CACNB4: variants seen among roughly 807,000 people sequenced by gnomAD.
CACNB4 encodes voltage-dependent L-type calcium channel subunit beta-4.
CACNB4 carries 32 observed loss-of-function variants against 71.2 expected under a neutral mutation model. That is an observed-to-expected ratio of 0.45 (90% CI 0.34 to 0.60). The LOEUF is 0.60. Ranked by LOEUF, CACNB4 falls within the 20% of genes least tolerant of loss-of-function variation. CACNB4 has a pLI of 0.01. For synonymous variants in CACNB4, 231 were observed against 236.9 expected (o/e 0.97, Z 0.23); for missense variants, 464 against 647.9 (o/e 0.72, Z 3.08).
At chr2:151,863,088 C>T (rs1203866448) in intron 9 of CACNB4, among the ~76,000 whole-genome samples, 3 of 150,882 alleles carry the variant, frequency 2.0e-5, no homozygotes, top group African/African-American at 4.9e-5. Flanking sequence ...TTTTTTGAGT[C>T]GGAGTCTCGC....
At chr2:151,921,181 A>ATAAG (rs1460972513) in intron 2 of CACNB4, among the ~76,000 whole-genome samples, 1 of 51,450 alleles carries the variant, frequency 1.9e-5, no homozygotes, top group African/African-American at 4.2e-5. Context: ...AAATAAATAA[A>ATAAG]TAAGTTAAAA....
intron 2 of CACNB4, among the ~76,000 whole-genome samples, chr2:152,026,070 A>T (rs1683950289): frequency 6.6e-6 from 1 of 152,172 alleles, no homozygotes; most frequent in Non-Finnish European, 1.5e-5. Flanking sequence ...ACCACAAGTC[A>T]CTTGGCATGA....
At chr2:151,854,465 T>C (rs2099839774) in intron 11 of CACNB4, 1 of 152,224 alleles carries the variant, frequency 6.6e-6, no homozygotes, top group Admixed American at 6.5e-5. Flanking sequence ...AAGACTGCCA[T>C]GCTGGTTGGC....
At chr2:152,096,441 G>A (rs775701867) in intron 2 of CACNB4, among the ~76,000 whole-genome samples, 3 of 152,252 alleles carry the variant, frequency 2.0e-5, no homozygotes, top group Non-Finnish European at 2.9e-5. Flanking sequence ...CAGAGACTGC[G>A]TCACTGCACC....
At chr2:151,873,650 A>C (rs906759647) in intron 5 of CACNB4, 5 of 152,228 alleles carry the variant, frequency 3.3e-5, no homozygotes, top group Non-Finnish European at 5.9e-5. Flanking sequence ...TACCTAACAA[A>C]GATATAAAGC....
At chr2:151,985,622 T>C (rs1314887031) in intron 2 of CACNB4, among the ~76,000 whole-genome samples, 1 of 152,074 alleles carries the variant, frequency 6.6e-6, no homozygotes. Context: ...TCTAATTTTT[T>C]AATCTGTTAA....
intron 2 of CACNB4, among the ~76,000 whole-genome samples, chr2:152,041,070 A>G (rs185267979): frequency 4.3e-4 from 66 of 152,188 alleles, no homozygotes; most frequent in African/African-American, 1.5e-3. Flanking sequence ...CCCACACTCC[A>G]TGGGAGAAAC....
At position 151,833,245 on chromosome 2, in the gene CACNB4, TTAA is replaced by T. The variant is rs2099834189; in HGVS notation, c.*5871_*5873del. On this transcript the variant is annotated 3_prime_UTR_variant, in exon 14 of 14. Transcript: ENST00000539935. ...TATTTCTGTTTTAGTATGTTTTATGTTAATACATTTATTTTTTATTCCTTCCCA... is the reference window on the plus strand; with the variant it reads ...TATTTCTGTTTTAGTATGTTTTATGTTACATTTATTTTTTATTCCTTCCCA... The T allele has an allele frequency of 6.6e-6, 1 of 152,178 alleles. No individual in the cohort carries two copies. Among genetic ancestry groups the T allele is most frequent in the African/African-American group, 2.4e-5 (1 of 41,456 alleles). The allele number at this position is 152,178 out of a possible 1,614,324, so 9.4% of individuals were successfully genotyped here. A position where few individuals can be genotyped will look rare whatever the true frequency, so the allele number is the denominator to read the frequency against.
intron 2 of CACNB4, among the ~76,000 whole-genome samples, chr2:152,094,238 G>C (rs551871553): frequency 1.3e-5 from 2 of 152,294 alleles, no homozygotes; most frequent in East Asian, 3.9e-4. Flanking sequence ...CCAGATCTCA[G>C]GGAAGATTAA....
At chr2:151,974,454 G>A (rs1447464404) in intron 2 of CACNB4, among the ~76,000 whole-genome samples, 2 of 152,176 alleles carry the variant, frequency 1.3e-5, no homozygotes, top group Non-Finnish European at 2.9e-5. Flanking sequence ...CAATATTCTC[G>A]TTGAAGTCTC....
chr2:151,976,106 G>A (rs2099873746), intron 2 of CACNB4, among the ~76,000 whole-genome samples: 1 of 152,196 alleles, frequency 6.6e-6, no homozygotes. Flanking sequence ...GACCAGGGAG[G>A]GATGTTAGCA....
At chr2:151,906,458 A>G (rs1221473200) in intron 2 of CACNB4, among the ~76,000 whole-genome samples, 1 of 152,216 alleles carries the variant, frequency 6.6e-6, no homozygotes, top group Non-Finnish European at 1.5e-5. Context: ...CTGCTAGGGA[A>G]GAGGGTAAGA....
chr2:152,019,065 GC>G (rs1318673846), intron 2 of CACNB4, among the ~76,000 whole-genome samples: 2 of 152,142 alleles, frequency 1.3e-5, no homozygotes, highest in Non-Finnish European at 2.9e-5. Context: ...TTTGTCCTCT[GC>G]TGCTTGGAAA....
intron 2 of CACNB4, among the ~76,000 whole-genome samples, chr2:151,958,368 G>A (rs2099868849): frequency 6.6e-6 from 1 of 152,306 alleles, no homozygotes; most frequent in Middle Eastern, 3.4e-3. Context: ...AGTCCCAGCT[G>A]TCTAGAACGA....
chr2:151,957,338 T>A (rs1334680463), intron 2 of CACNB4, among the ~76,000 whole-genome samples: 2 of 149,406 alleles, frequency 1.3e-5, no homozygotes, highest in East Asian at 4.0e-4. Flanking sequence ...TTGTGTTCAA[T>A]CATTTCTGAC....
At chr2:152,011,377 G>GA (rs1393669395) in intron 2 of CACNB4, among the ~76,000 whole-genome samples, 1 of 152,142 alleles carries the variant, frequency 6.6e-6, no homozygotes, top group Non-Finnish European at 1.5e-5. Context: ...CTCTGGGCTC[G>GA]AACCCAAGCT....
intron 12 of CACNB4, chr2:151,852,156 G>C (rs2099839230): frequency 6.6e-6 from 1 of 152,204 alleles, no homozygotes; most frequent in South Asian, 2.1e-4. Flanking sequence ...TCACCTTAGG[G>C]AAATCGTTTA....
chr2:151,980,785 G>GTTCAGA (rs2099874584), intron 2 of CACNB4, among the ~76,000 whole-genome samples: 1 of 152,224 alleles, frequency 6.6e-6, no homozygotes, highest in Non-Finnish European at 1.5e-5. Flanking sequence ...CAATGGTCCT[G>GTTCAGA]TTCAGATTCA....
intron 2 of CACNB4, chr2:151,963,009 T>C (rs563702497): frequency 6.6e-6 from 1 of 152,210 alleles, no homozygotes; most frequent in African/African-American, 2.4e-5. Flanking sequence ...CTAAAAAGAA[T>C]ATTGCTCTAG....
Sources: allele counts gnomAD v4.1 joint callset (sites outside exome capture counted in the v4.1 genomes callset), GRCh38; gene constraint gnomAD v4.1.1; transcripts MANE v1.5; gene names NCBI Gene and HGNC (gene_info 2026-07-23, HGNC 2026-07-21).